Variants in TMEM67 observed in about 807,000 individuals in gnomAD.
TMEM67 encodes the protein transmembrane protein 67.
TMEM67 carries 124 observed loss-of-function variants against 136.6 expected under a neutral mutation model. The observed-to-expected ratio is 0.91, with a 90% CI of 0.78 to 1.05. TMEM67 has a LOEUF of 1.05. Ranked by LOEUF, TMEM67 falls within the 50% of genes least tolerant of loss-of-function variation. The pLI is 0.00. For missense variants in TMEM67, 1,107 were observed against 1,178.4 expected, an observed-to-expected ratio of 0.94 and a Z score of 0.89; for synonymous variants, 364 against 390.5, an observed-to-expected ratio of 0.93 and a Z score of 0.80.
intron 15 of TMEM67, among the ~76,000 whole-genome samples, chr8:93,792,675 T>C (rs1336435816): frequency 1.3e-5 from 2 of 151,922 alleles, no homozygotes; most frequent in African/African-American, 4.8e-5. Flanking sequence ...ATATTTATTT[T>C]ATTCTAGTAA....
Position 93,755,008 on chromosome 8 carries a change from C to A in TMEM67, c.94C>A (p.Arg32Ser), listed in dbSNP as rs1349458113. The A allele has an allele frequency of 6.2e-7, 1 of 1,614,204 alleles. No individual in the cohort carries two copies. The highest frequency in any genetic ancestry group is 8.5e-7 in the Non-Finnish European group (1 of 1,180,034). Reference protein sequence around the residue: ...VTAFLLLFLPRFLQAQTFSFP... With the variant: ...VTAFLLLFLPSFLQAQTFSFP... ...CGCGTTCCTTCTGTTGTTCCTCCCT[C>A]GCTTCTTACAGGCCCAGACCTTCTC... The change falls in exon 1 of 28, where the codon CGC becomes AGC. Residue 32 changes from arginine to serine, a missense_variant. By Grantham distance (110) the Arg-to-Ser change is moderately radical (BLOSUM62 -1). This residue lies in a region of TMEM67 where 178 missense variants were observed against 159.2 expected (regional missense o/e 1.12). Transcript: ENST00000453321.
At chr8:93,801,088 GTCCT>G in intron 21 of TMEM67, among the ~76,000 whole-genome samples, 1 of 151,962 alleles carries the variant, frequency 6.6e-6, no homozygotes, top group East Asian at 1.9e-4. Flanking sequence ...AACAGAAAGA[GTCCT>G]TCTGTTTACT....
chr8:93,766,668 C>A (rs894135889), intron 6 of TMEM67, among the ~76,000 whole-genome samples: 1 of 151,826 alleles, frequency 6.6e-6, no homozygotes, highest in Non-Finnish European at 1.5e-5. Flanking sequence ...TTGTTAATAT[C>A]ATTATTGTTA....
chr8:93,823,593 A>G (rs138584582), downstream of TMEM67, among the ~76,000 whole-genome samples: 190 of 152,272 alleles, frequency 1.2e-3, no homozygotes, highest in African/African-American at 4.4e-3. Flanking sequence ...GGCCAGGACT[A>G]TAGGATGGTA....
At chr8:93,830,509 G>A in the TMEM67 span, among the ~76,000 whole-genome samples, 3 of 152,170 alleles carry the variant, frequency 2.0e-5, no homozygotes, top group South Asian at 2.1e-4. Context: ...CCCTCAACCC[G>A]TGGGATCTGA....
At chr8:93,768,378 G>A (rs571648366) in intron 6 of TMEM67, among the ~76,000 whole-genome samples, 3 of 152,022 alleles carry the variant, frequency 2.0e-5, no homozygotes, top group South Asian at 2.1e-4. Context: ...TTGGGAGGCC[G>A]AGGCAGGTGG....
chr8:93,760,097 G>A lies in TMEM67; in HGVS notation c.406+1521G>A, dbSNP rs940003433. The stretch of plus-strand genomic sequence containing the variant: ...TTAGAAAGATGCAACTCTTCTACCA[G>A]TCTGTATATTTTAAAGGACCCTAAT... On this transcript the variant is annotated intron_variant, in intron 3 of 27. Transcript: ENST00000453321. 6.4e-6 allele frequency: 5 copies of A among 776,522 alleles called. No individual in the cohort carries two copies. In the African/African-American group the frequency reaches 7.4e-5, roughly 12 times the overall value. 48.1% of individuals were successfully genotyped at this position (776,522 alleles called of 1,614,324 possible).
intron 3 of TMEM67, 75 bp downstream of exon 3, chr8:93,758,651 C>G (rs1028867977): frequency 8.1e-7 from 1 of 1,229,382 alleles, no homozygotes; most frequent in African/African-American, 1.5e-5. Context: ...GAAAAGGGCA[C>G]TAATTTAAAT....
chr8:93,775,115 G>A (rs1222974928), intron 7 of TMEM67, among the ~76,000 whole-genome samples: 7 of 152,174 alleles, frequency 4.6e-5, no homozygotes, highest in African/African-American at 7.2e-5. Context: ...CAGTGATGAC[G>A]AGCATTTTTT....
rs767886819 is a variant in TMEM67, at chr8:93,772,616, G to C, written c.679G>C (p.Ala227Pro). 3 of 1,612,774 alleles carry C rather than the reference G, an allele frequency of 1.9e-6. No individual in the cohort carries two copies. Among genetic ancestry groups the C allele is most frequent in the Admixed American group, 1.7e-5 (1 of 59,958 alleles). The change falls in exon 7 of 28, where the codon GCA becomes CCA. Residue 227 changes from alanine (A) to proline (P), a missense_variant. By Grantham distance (27) the Ala-to-Pro change is conservative. Around this residue, in one of 3 missense-constraint regions of TMEM67, gnomAD observed 925 missense variants for 1,002.4 expected, o/e 0.92. Coordinates refer to ENST00000453321, the MANE Select transcript of TMEM67 (RefSeq NM_153704.6). ...VGMSLTSEWFAKYLQSSAAAC... is the reference protein window; with the variant it reads ...VGMSLTSEWFPKYLQSSAAAC... ...CATGTCTTTAACTTCAGAATGGTTT[G>C]CAAAGTATTTGCAATCATCAGCAGC...
chr8:93,780,174 G>A (rs1460983061), intron 7 of TMEM67, among the ~76,000 whole-genome samples: 3 of 151,778 alleles, frequency 2.0e-5, no homozygotes, highest in Non-Finnish European at 4.4e-5. Context: ...GGGACCCACC[G>A]AGCCAGGCGT....
In TMEM67 at chr8:93,759,940, A is replaced by T. The variant is rs770475435; in HGVS notation, c.406+1364A>T. The T allele has an allele frequency of 2.0e-6, 3 of 1,535,988 alleles. No individual in the cohort carries two copies. In the East Asian group the frequency reaches 7.5e-5, roughly 38 times the overall value. On this transcript the variant is annotated intron_variant, in intron 3 of 27. Coordinates refer to ENST00000453321, the MANE Select transcript of TMEM67 (RefSeq NM_153704.6). ...CTGGGATACAGGCTTGAGCCACCGC[A>T]CCTGACCTTGGCATGTACTTTAGAA...
At chr8:93,787,571 A>T (rs943209831) in intron 13 of TMEM67, among the ~76,000 whole-genome samples, 7 of 152,154 alleles carry the variant, frequency 4.6e-5, no homozygotes, top group African/African-American at 1.4e-4. Context: ...ACTTGGATTG[A>T]GCTTCTAATT....
intron 6 of TMEM67, among the ~76,000 whole-genome samples, chr8:93,765,903 G>A (rs1255074715): frequency 6.6e-6 from 1 of 152,128 alleles, no homozygotes; most frequent in Non-Finnish European, 1.5e-5. Context: ...GTTCTGTATA[G>A]GATGCAGTAT....
At chr8:93,810,296 T>G (rs959235779) in intron 26 of TMEM67, among the ~76,000 whole-genome samples, 10 of 149,924 alleles carry the variant, frequency 6.7e-5, no homozygotes, top group Non-Finnish European at 1.2e-4. Context: ...TTAATAATTT[T>G]TTGGCTAGGT....
At position 93,797,394 on chromosome 8, in the gene TMEM67, A is replaced by G. The variant is rs1355133096; in HGVS notation, c.2024A>G (p.Asn675Ser). The change falls in exon 20 of 28, where the codon AAT becomes AGT. Residue 675 changes from asparagine to serine, a missense_variant. This residue lies in a region of TMEM67 where 925 missense variants were observed against 1,002.4 expected (regional missense o/e 0.92). Coordinates refer to ENST00000453321, the MANE Select transcript of TMEM67 (RefSeq NM_153704.6). The stretch of plus-strand genomic sequence containing the variant: ...ATATGGAGAACATATTTTGTAGCAA[A>G]TGAATGGAATGAAATTCAGACTGTG... ...VSIWRTYFVA[N>S]EWNEIQTVRK... The G allele has an allele frequency of 1.2e-6, 2 of 1,614,034 alleles. No homozygotes were observed. The highest frequency in any genetic ancestry group is 1.7e-5 in the Admixed American group (1 of 60,028).
At chr8:93,788,033 C>CTT (rs376142937) in intron 14 of TMEM67, 84 bp downstream of exon 14, 122 of 777,214 alleles carry the variant, frequency 1.6e-4, no homozygotes, top group Non-Finnish European at 1.8e-4. Flanking sequence ...AAAAGACAGT[C>CTT]TTTTTTTTTT....
intron 13 of TMEM67, among the ~76,000 whole-genome samples, chr8:93,786,796 G>A (rs946563577): frequency 2.0e-5 from 3 of 152,080 alleles, no homozygotes; most frequent in East Asian, 1.9e-4. Context: ...ATAGTACCTC[G>A]CCACTTAAAT....
chr8:93,769,360 C>G (rs576350851), intron 6 of TMEM67, among the ~76,000 whole-genome samples: 4 of 152,348 alleles, frequency 2.6e-5, no homozygotes, highest in African/African-American at 9.6e-5. Context: ...ATCCCACATA[C>G]TGCCCAAGGG....
Sources: gnomAD v4.1 joint callset for allele counts (sites outside exome capture counted in the v4.1 genomes callset) on GRCh38, gnomAD v4.1.1 for gene constraint, gnomAD v4.1.1 regional missense constraint, MANE v1.5 for transcripts, NCBI Gene and HGNC (gene_info 2026-07-23, HGNC 2026-07-21) for gene names.